Variants in ATAD2B observed in about 807,000 individuals in gnomAD.
ATAD2B encodes the protein ATPase family AAA domain-containing protein 2B.
ATAD2B carries 40 observed loss-of-function variants against 167.6 expected under a neutral mutation model. That is an observed-to-expected ratio of 0.24 (90% CI 0.19 to 0.31). The LOEUF is 0.31. ATAD2B is among the 10% of genes least tolerant of loss of function. The pLI, the probability that ATAD2B is intolerant of heterozygous loss-of-function variation, is 1.00. For synonymous variants in ATAD2B, 579 were observed against 596.5 expected (o/e 0.97, Z 0.43); for missense variants, 1,242 against 1,757.2 (o/e 0.71, Z 5.24).
chr2:23,811,724 T>C (rs573233470), intron 17 of ATAD2B, among the ~76,000 whole-genome samples: 3 of 152,280 alleles, frequency 2.0e-5, no homozygotes, highest in Non-Finnish European at 4.4e-5. Flanking sequence ...TCTGCATATG[T>C]ATCCCAAAAC....
chr2:23,868,441 C>G (rs925835908), intron 9 of ATAD2B, among the ~76,000 whole-genome samples: 1 of 152,188 alleles, frequency 6.6e-6, no homozygotes, highest in African/African-American at 2.4e-5. Context: ...GCTGGAACTA[C>G]AGGCAGGCAA....
intron 1 of ATAD2B, among the ~76,000 whole-genome samples, chr2:23,916,052 AC>A (rs1425775355): frequency 1.3e-5 from 2 of 152,024 alleles, no homozygotes; most frequent in Non-Finnish European, 2.9e-5. Flanking sequence ...AAATTTTGTA[AC>A]ATAGTTTTAT....
intron 18 of ATAD2B, among the ~76,000 whole-genome samples, chr2:23,803,338 A>ACACACACGCG (rs756577548): frequency 1.3e-5 from 2 of 150,578 alleles, no homozygotes; most frequent in Admixed American, 6.6e-5. Context: ...ACACACACAC[A>ACACACACGCG]CGCGCACGCA....
intron 1 of ATAD2B, among the ~76,000 whole-genome samples, chr2:23,923,212 T>C (rs1254651710): frequency 3.9e-5 from 6 of 152,152 alleles, no homozygotes. Context: ...ACAACACAGA[T>C]GCACCTAGAG....
intron 27 of ATAD2B, among the ~76,000 whole-genome samples, chr2:23,753,302 A>C (rs1675571684): frequency 6.6e-6 from 1 of 152,186 alleles, no homozygotes; most frequent in African/African-American, 2.4e-5. Context: ...TAAATCTTTA[A>C]TATACTAAAA....
the ATAD2B span, among the ~76,000 whole-genome samples, chr2:23,694,282 C>G: frequency 1.3e-5 from 2 of 152,356 alleles, no homozygotes; most frequent in Non-Finnish European, 2.9e-5. Flanking sequence ...AGCTTCCTCC[C>G]ACTTCTCCCA....
downstream of ATAD2B, among the ~76,000 whole-genome samples, chr2:23,745,695 A>T (rs938213186): frequency 6.6e-6 from 1 of 152,204 alleles, no homozygotes; most frequent in Admixed American, 6.5e-5. Flanking sequence ...TGATAATTAA[A>T]TGGTTAATGC....
chr2:23,875,447 C>T (rs907961777), intron 8 of ATAD2B, among the ~76,000 whole-genome samples: 27 of 151,902 alleles, frequency 1.8e-4, no homozygotes, highest in African/African-American at 6.1e-4. Context: ...TGCAGTGAGC[C>T]GAGACTGCGC....
At chr2:23,788,092 T>C (rs531510249) in intron 20 of ATAD2B, 3 of 158,354 alleles carry the variant, frequency 1.9e-5, no homozygotes, top group Non-Finnish European at 4.2e-5. Context: ...AAACTAGAAA[T>C]GGCAAATGTT....
At chr2:23,796,428 T>C (rs1056627076) in intron 19 of ATAD2B, among the ~76,000 whole-genome samples, 1 of 152,182 alleles carries the variant, frequency 6.6e-6, no homozygotes, top group Non-Finnish European at 1.5e-5. Context: ...AGCTTTAAAA[T>C]ACTAAACCAA....
At chr2:23,924,850 T>C (rs943004399) in intron 1 of ATAD2B, among the ~76,000 whole-genome samples, 29 of 152,206 alleles carry the variant, frequency 1.9e-4, no homozygotes, top group African/African-American at 6.5e-4. Flanking sequence ...TTTTAACATC[T>C]CTATAACAGC....
the ATAD2B span, among the ~76,000 whole-genome samples, chr2:23,725,252 T>C: frequency 6.6e-6 from 1 of 152,046 alleles, no homozygotes; most frequent in Non-Finnish European, 1.5e-5. Flanking sequence ...ATAAAGAAAT[T>C]CTCAAATGAA....
At chr2:23,768,483 A>G (rs1347276870) in intron 22 of ATAD2B, among the ~76,000 whole-genome samples, 1 of 151,884 alleles carries the variant, frequency 6.6e-6, no homozygotes, top group Non-Finnish European at 1.5e-5. Flanking sequence ...AAGCAGCAGG[A>G]TCGCTTGAGC....
chr2:23,686,889 T>C, the ATAD2B span, among the ~76,000 whole-genome samples: 1 of 152,106 alleles, frequency 6.6e-6, no homozygotes, highest in East Asian at 1.9e-4. Flanking sequence ...GTCGCCGTGT[T>C]CGTTTGCAGC....
At chr2:23,881,360 C>CTT (rs11361642) in intron 6 of ATAD2B, among the ~76,000 whole-genome samples, 39 of 80,160 alleles carry the variant, frequency 4.9e-4, no homozygotes, top group Non-Finnish European at 5.9e-4. Context: ...GTGATCAATT[C>CTT]TTTTTTTTTT....
chr2:23,741,851 T>G, the ATAD2B span, among the ~76,000 whole-genome samples: 8 of 151,784 alleles, frequency 5.3e-5, no homozygotes, highest in Admixed American at 5.2e-4. Context: ...TCAAACAAAT[T>G]TACAAGAAAA....
the ATAD2B span, among the ~76,000 whole-genome samples, chr2:23,712,299 C>G: frequency 6.6e-6 from 1 of 152,248 alleles, no homozygotes; most frequent in Admixed American, 6.5e-5. Flanking sequence ...GATAGACATT[C>G]AGCTCTGTTA....
Position 23,895,805 on chromosome 2 carries a change from TTCTCCTTTC to T in ATAD2B, c.368+5_368+13del, listed in dbSNP as rs747099183. The T allele has an allele frequency of 6.3e-7, 1 of 1,579,536 alleles. No individual in the cohort carries two copies. The highest frequency in any genetic ancestry group is 8.6e-7 in the Non-Finnish European group (1 of 1,160,842). ...AATTTAAGAAAAAACAATCAATGAG[TTCTCCTTTC>T]TCACCTGGCCTGTCCAGTTGATAAG... On this transcript the variant is annotated splice_donor_5th_base_variant and intron_variant, in intron 2 of 27. Coordinates refer to ENST00000238789, the MANE Select transcript of ATAD2B (RefSeq NM_017552.4).
chr2:23,748,574 T>C (rs2149284002), downstream of ATAD2B: 1 of 152,282 alleles, frequency 6.6e-6, no homozygotes, highest in South Asian at 2.1e-4. Context: ...TAACCAGCAA[T>C]ATGCCTCTCT....
Sources: allele counts gnomAD v4.1 joint callset (sites outside exome capture counted in the v4.1 genomes callset), GRCh38; gene constraint gnomAD v4.1.1; transcripts MANE v1.5; gene names NCBI Gene and HGNC (gene_info 2026-07-23, HGNC 2026-07-21).